BACH2: variants seen among roughly 807,000 people sequenced by gnomAD.
BACH2 encodes BACH transcriptional regulator 2.
Under a neutral mutation model 61.8 loss-of-function variants are expected in BACH2, and 5 were observed. The observed-to-expected ratio is 0.08, with a 90% confidence interval of 0.04 to 0.17. The LOEUF (loss-of-function observed/expected upper bound fraction) is 0.17. Ranked by LOEUF, BACH2 falls within the 10% of genes least tolerant of loss-of-function variation. BACH2 has a pLI of 1.00. For missense variants in BACH2, 824 were observed against 1,091.1 expected (o/e 0.76, Z 3.45); for synonymous variants, 446 against 440.1 (o/e 1.01, Z -0.17).
At chr6:90,120,822 T>C (rs1783591882) in intron 4 of BACH2, among the ~76,000 whole-genome samples, 1 of 152,216 alleles carries the variant, frequency 6.6e-6, no homozygotes, top group African/African-American at 2.4e-5. Context: ...CTGGAGCACA[T>C]CAGCTCTCTC....
chr6:90,076,305 T>C (rs1781468788), intron 5 of BACH2, among the ~76,000 whole-genome samples: 1 of 151,874 alleles, frequency 6.6e-6, no homozygotes, highest in South Asian at 2.1e-4. Flanking sequence ...AAAAAGAAAA[T>C]AAAACAAGGG....
rs1288659642 is a variant in BACH2 at position 89,930,998 on chromosome 6, G to A, written c.*1410C>T. On this transcript the variant is annotated 3_prime_UTR_variant, in exon 9 of 9. Transcript: ENST00000257749. ...CAAATCCCCTCAGGCCAGATGTCCT[G>A]GGAGGCCAAGCCTGGGCAGGAAAGC... The A allele has an allele frequency of 6.6e-6, 1 of 152,386 alleles. No homozygotes were observed. Among genetic ancestry groups the A allele is most frequent in the Non-Finnish European group, 1.5e-5 (1 of 68,088 alleles). The allele number at this position is 152,386 out of a possible 1,614,324, so 9.4% of individuals were successfully genotyped here.
At chr6:90,265,370 G>T (rs1346667668) in intron 2 of BACH2, among the ~76,000 whole-genome samples, 2 of 152,240 alleles carry the variant, frequency 1.3e-5, no homozygotes, top group Non-Finnish European at 1.5e-5. Flanking sequence ...GAAGTCTCTT[G>T]TCAGCTTCCA....
intron 6 of BACH2, among the ~76,000 whole-genome samples, chr6:89,963,624 G>A (rs1217046325): frequency 1.3e-5 from 2 of 152,162 alleles, no homozygotes; most frequent in African/African-American, 4.8e-5. Flanking sequence ...GCAAAATAGT[G>A]CAGCTGCTAT....
intron 5 of BACH2, among the ~76,000 whole-genome samples, chr6:90,048,356 T>A (rs1028661737): frequency 6.6e-6 from 1 of 152,218 alleles, no homozygotes; most frequent in African/African-American, 2.4e-5. Flanking sequence ...CTTGAACTCC[T>A]GGCCTCAAGC....
At chr6:90,201,563 T>G (rs559182845) in intron 4 of BACH2, among the ~76,000 whole-genome samples, 315 of 152,360 alleles carry the variant, frequency 2.1e-3, no homozygotes, top group Non-Finnish European at 3.3e-3. Context: ...GTAAGAACTC[T>G]TAATAACTCT....
intron 5 of BACH2, among the ~76,000 whole-genome samples, chr6:90,082,032 ACT>A (rs1294228491): frequency 6.6e-6 from 1 of 152,032 alleles, no homozygotes; most frequent in Non-Finnish European, 1.5e-5. Flanking sequence ...TTAAAGGAAA[ACT>A]CTGTTCACAG....
At chr6:90,243,044 TAA>T (rs1171228887) in intron 3 of BACH2, among the ~76,000 whole-genome samples, 24 of 138,722 alleles carry the variant, frequency 1.7e-4, no homozygotes, top group Non-Finnish European at 3.6e-4. Context: ...CATGCCCGGC[TAA>T]TTTTTTTTTT....
At chr6:90,269,802 C>T (rs1403647468) in intron 2 of BACH2, among the ~76,000 whole-genome samples, 1 of 152,138 alleles carries the variant, frequency 6.6e-6, no homozygotes, top group Non-Finnish European at 1.5e-5. Context: ...AAGCTGATGG[C>T]CCCGGTGAGT....
chr6:90,213,182 A>G (rs1769415509), intron 3 of BACH2, among the ~76,000 whole-genome samples: 1 of 152,210 alleles, frequency 6.6e-6, no homozygotes, highest in Non-Finnish European at 1.5e-5. Flanking sequence ...CTGGGAAGAC[A>G]GTGAGGAATG....
At chr6:90,211,588 C>CTGTGTG (rs3072674) in intron 3 of BACH2, among the ~76,000 whole-genome samples, 3,360 of 144,072 alleles carry the variant, frequency 0.023, 45 homozygotes, top group Middle Eastern at 0.045. Flanking sequence ...GTGTCAAGGG[C>CTGTGTG]TGTGTGTGTG....
chr6:90,295,328 C>T (rs2127896028), intron 1 of BACH2, among the ~76,000 whole-genome samples: 1 of 152,348 alleles, frequency 6.6e-6, no homozygotes, highest in African/African-American at 2.4e-5. Context: ...GCGCCCGCGA[C>T]CCCAGAAGCC....
intron 3 of BACH2, among the ~76,000 whole-genome samples, chr6:90,223,433 G>A (rs1769807946): frequency 6.6e-6 from 1 of 152,178 alleles, no homozygotes; most frequent in South Asian, 2.1e-4. Context: ...AATGGCACTT[G>A]TGAGATGGAG....
In BACH2 at chr6:90,092,280, T is replaced by TAAAAAAAAA. The variant is rs200675044; in HGVS notation, c.-161-3180_-161-3172dup. ...CTGTGCAATTGGCACACTGTCAAAG[T>TAAAAAAAAA]AAAAAAAAAAAATATATATATATAT... On this transcript the variant is annotated intron_variant, in intron 4 of 8. Coordinates refer to ENST00000257749, the MANE Select transcript of BACH2 (RefSeq NM_021813.4). 7.6e-3 allele frequency among the ~76,000 whole-genome samples: 576 copies of TAAAAAAAAA among 75,934 alleles called. 6 individuals are homozygous for TAAAAAAAAA. The highest frequency in any genetic ancestry group is 0.028 in the East Asian group (18 of 644). The allele number at this position is 75,934 out of a possible 152,430, so 49.8% of individuals were successfully genotyped here. A position where few individuals can be genotyped will look rare whatever the true frequency, so the allele number is the denominator to read the frequency against.
chr6:90,294,586 T>C (rs1335648230), intron 1 of BACH2, among the ~76,000 whole-genome samples: 1 of 152,130 alleles, frequency 6.6e-6, no homozygotes, highest in Admixed American at 6.6e-5. Flanking sequence ...ACACTGTAAT[T>C]TGGCAATCTC....
At chr6:90,227,956 A>G (rs1477501043) in intron 3 of BACH2, among the ~76,000 whole-genome samples, 1 of 152,078 alleles carries the variant, frequency 6.6e-6, no homozygotes, top group African/African-American at 2.4e-5. Context: ...GGCCTGCAAC[A>G]CTCCATTTGC....
chr6:90,199,318 A>T (rs1768875253), intron 4 of BACH2, among the ~76,000 whole-genome samples: 1 of 152,228 alleles, frequency 6.6e-6, no homozygotes, highest in Non-Finnish European at 1.5e-5. Flanking sequence ...GCATTACCAT[A>T]GTTCCATAGT....
intron 5 of BACH2, among the ~76,000 whole-genome samples, chr6:90,055,988 G>A (rs1373478997): frequency 6.6e-6 from 1 of 152,132 alleles, no homozygotes; most frequent in East Asian, 1.9e-4. Flanking sequence ...ACATGGAAAG[G>A]AACAACTGGT....
At chr6:90,152,626 G>C (rs1181176692) in intron 4 of BACH2, among the ~76,000 whole-genome samples, 1 of 152,144 alleles carries the variant, frequency 6.6e-6, no homozygotes, top group African/African-American at 2.4e-5. Flanking sequence ...CTTGAATGTA[G>C]CATAGCATCA....
Sources: gnomAD v4.1 joint callset for allele counts (sites outside exome capture counted in the v4.1 genomes callset) on GRCh38, gnomAD v4.1.1 for gene constraint, MANE v1.5 for transcripts, NCBI Gene and HGNC (gene_info 2026-07-23, HGNC 2026-07-21) for gene names.